The following FAT3 variants were observed in gnomAD, a reference collection of about 807,000 sequenced individuals.
The protein encoded by FAT3 is FAT atypical cadherin 3.
FAT3 carries 95 observed loss-of-function variants against 310.2 expected under a neutral mutation model. That is an observed-to-expected ratio of 0.31 (90% CI 0.26 to 0.36). The LOEUF (loss-of-function observed/expected upper bound fraction) is 0.36, where lower values mean the gene tolerates loss of function less well. Among genes scored for constraint, FAT3 ranks in the 10% least tolerant of loss-of-function variants. The pLI is 1.00. For missense variants in FAT3, 5,408 were observed against 5,715.6 expected (o/e 0.95, Z 1.74); for synonymous variants, 2,314 against 2,192.9 (o/e 1.06, Z -1.54).
In FAT3 at chr11:92,687,006, T is replaced by C. The variant is rs1165751170; in HGVS notation, c.3608-10378T>C. Among the ~76,000 whole-genome samples the C allele has an allele frequency of 3.3e-5, 5 of 152,220 alleles. No homozygotes were observed. In the South Asian group the frequency reaches 8.3e-4, roughly 25 times the overall value. On this transcript the variant is annotated intron_variant, in intron 3 of 27. Coordinates refer to ENST00000525166, the MANE Select transcript of FAT3 (RefSeq NM_001367949.2). ...CTGAACAAAAAGAAACTTCAACTTTTAGTTTCCTGGTTATTAAATTTTCAG... is the reference window on the plus strand; with the variant it reads ...CTGAACAAAAAGAAACTTCAACTTTCAGTTTCCTGGTTATTAAATTTTCAG...
chr11:92,297,881 C>G (rs1946891949), intron 1 of FAT3, among the ~76,000 whole-genome samples: 1 of 152,064 alleles, frequency 6.6e-6, no homozygotes, highest in Non-Finnish European at 1.5e-5. Context: ...TGTGGCAACT[C>G]TTGTTTTATT....
chr11:92,759,078 T>C (rs1358933166), intron 4 of FAT3, among the ~76,000 whole-genome samples: 1 of 152,102 alleles, frequency 6.6e-6, no homozygotes, highest in Non-Finnish European at 1.5e-5. Context: ...ATTAGCAGCA[T>C]GTAGGTAGTA....
rs1349858861 is a variant in FAT3, at chr11:92,372,496, AG to A, written c.3292+17094del. 2.0e-5 allele frequency among the ~76,000 whole-genome samples: 3 copies of A among 152,272 alleles called. No homozygotes were observed. The East Asian group carries it at 5.8e-4, about 29-fold the overall frequency. ...CATAAAATTATGATGACCATCTGAC[AG>A]GCTGCTCAACTACTTGGAAAACTGA... On this transcript the variant is annotated intron_variant, in intron 2 of 27. Transcript: ENST00000525166.
chr11:92,337,700 G>A (rs1948125953), intron 1 of FAT3, among the ~76,000 whole-genome samples: 1 of 152,180 alleles, frequency 6.6e-6, no homozygotes, highest in South Asian at 2.1e-4. Flanking sequence ...CCAAAGTGCT[G>A]GATTACAGGC....
intron 2 of FAT3, among the ~76,000 whole-genome samples, chr11:92,467,094 C>G (rs1482231842): frequency 6.6e-6 from 1 of 151,918 alleles, no homozygotes; most frequent in Non-Finnish European, 1.5e-5. Flanking sequence ...GGGTATATAC[C>G]CAGTAATGGG....
At chr11:92,360,179 G>T (rs1341006668) in intron 2 of FAT3, among the ~76,000 whole-genome samples, 1 of 152,110 alleles carries the variant, frequency 6.6e-6, no homozygotes, top group Non-Finnish European at 1.5e-5. Flanking sequence ...CAAAATCAAT[G>T]TACAAAAATC....
chr11:92,250,055 G>A (rs1469973799), intron 1 of FAT3, among the ~76,000 whole-genome samples: 2 of 152,072 alleles, frequency 1.3e-5, no homozygotes, highest in East Asian at 1.9e-4. Flanking sequence ...AATTTTATGA[G>A]TTGAAGTCTT....
At chr11:92,241,574 C>A (rs1864670130) in intron 1 of FAT3, among the ~76,000 whole-genome samples, 1 of 151,942 alleles carries the variant, frequency 6.6e-6, no homozygotes, top group Non-Finnish European at 1.5e-5. Flanking sequence ...ATTAAATTTT[C>A]TGTAATTCAA....
intron 3 of FAT3, among the ~76,000 whole-genome samples, chr11:92,643,386 C>T (rs1414669722): frequency 2.0e-5 from 3 of 152,220 alleles, no homozygotes; most frequent in Non-Finnish European, 2.9e-5. Flanking sequence ...GAAAAACCCT[C>T]ATCAGCCAGT....
rs1037700378 is a variant in FAT3 at position 92,867,207 on chromosome 11, G to A, written c.12125G>A (p.Gly4042Glu). The change falls in exon 22 of 28, where the codon GGG (glycine) becomes GAG (glutamate). Residue 4042 changes from glycine (G) to glutamate (E), a missense_variant and splice_region_variant. Gly to Glu is a moderately conservative substitution (Grantham distance 98). Around this residue, in one of 5 missense-constraint regions of FAT3, gnomAD observed 4,588 missense variants for 4,809.8 expected, o/e 0.95. Coordinates refer to ENST00000525166, the MANE Select transcript of FAT3 (RefSeq NM_001367949.2). Reference sequence around the variant, plus strand: ...GGCAGCTGCACTGGCCTGCCATCGGGGGGTGAGTGTGGCTACGCAGTGGGC... The same window carrying A: ...GGCAGCTGCACTGGCCTGCCATCGGAGGGTGAGTGTGGCTACGCAGTGGGC... ...HGGSCTGLPS[G>E]GYQCTCLSQF... The A allele has an allele frequency of 3.2e-6, 5 of 1,568,152 alleles. No homozygotes were observed. Among genetic ancestry groups the A allele is most frequent in the Non-Finnish European group, 4.3e-6 (5 of 1,161,712 alleles).
intron 3 of FAT3, among the ~76,000 whole-genome samples, chr11:92,612,220 T>C (rs1005849120): frequency 6.6e-6 from 1 of 152,210 alleles, no homozygotes; most frequent in Non-Finnish European, 1.5e-5. Context: ...TGTCTCTTTG[T>C]CCCAGAATAA....
chr11:92,249,126 T>C (rs2134273112), intron 1 of FAT3, among the ~76,000 whole-genome samples: 1 of 152,258 alleles, frequency 6.6e-6, no homozygotes, highest in South Asian at 2.1e-4. Context: ...AACACTTATT[T>C]GTTATTTAAA....
chr11:92,432,071 C>A (rs1357734744), intron 2 of FAT3, among the ~76,000 whole-genome samples: 1 of 152,156 alleles, frequency 6.6e-6, no homozygotes, highest in Non-Finnish European at 1.5e-5. Context: ...GGCATTGAAT[C>A]TATAAATTAC....
intron 2 of FAT3, among the ~76,000 whole-genome samples, chr11:92,423,861 C>T (rs1950577937): frequency 6.6e-6 from 1 of 152,100 alleles, no homozygotes; most frequent in Non-Finnish European, 1.5e-5. Context: ...TAAGGCCCAC[C>T]TGCATTTTGA....
intron 4 of FAT3, among the ~76,000 whole-genome samples, chr11:92,698,768 G>T (rs1591621586): frequency 6.6e-6 from 1 of 152,052 alleles, no homozygotes; most frequent in South Asian, 2.1e-4. Flanking sequence ...AAATACATTT[G>T]CCAGAAAAAT....
chr11:92,485,320 G>A (rs149767525), intron 2 of FAT3, among the ~76,000 whole-genome samples: 1,554 of 152,222 alleles, frequency 0.01, 21 homozygotes, highest in African/African-American at 0.035. Context: ...TGTGCCCTCC[G>A]CCTCATTTGC....
intron 3 of FAT3, among the ~76,000 whole-genome samples, chr11:92,656,394 T>C (rs1942582340): frequency 6.6e-6 from 1 of 152,208 alleles, no homozygotes; most frequent in Non-Finnish European, 1.5e-5. Flanking sequence ...TCCATCAGCC[T>C]CCAATGTATA....
chr11:92,473,611 A>G (rs1446258183), intron 2 of FAT3, among the ~76,000 whole-genome samples: 1 of 152,148 alleles, frequency 6.6e-6, no homozygotes, highest in African/African-American at 2.4e-5. Context: ...TCCTGTGTGA[A>G]TGTTTGATAA....
At chr11:92,320,390 A>T (rs1785891) in intron 1 of FAT3, among the ~76,000 whole-genome samples, 2 of 151,946 alleles carry the variant, frequency 1.3e-5, no homozygotes, top group Non-Finnish European at 2.9e-5. Context: ...TGGAACTAAC[A>T]GTTTGGAAAT....
Sources: gnomAD v4.1 joint callset for allele counts (sites outside exome capture counted in the v4.1 genomes callset) on GRCh38, gnomAD v4.1.1 for gene constraint, gnomAD v4.1.1 regional missense constraint, MANE v1.5 for transcripts, NCBI Gene and HGNC (gene_info 2026-07-23, HGNC 2026-07-21) for gene names.